Variants in PLCE1 observed in about 807,000 individuals in gnomAD.
The protein encoded by PLCE1 is phospholipase C epsilon 1, also known as 1-phosphatidylinositol 4,5-bisphosphate phosphodiesterase epsilon-1.
PLCE1 carries 119 observed loss-of-function variants against 242.8 expected under a neutral mutation model. That is an observed-to-expected ratio of 0.49 (90% CI 0.42 to 0.57). The LOEUF (loss-of-function observed/expected upper bound fraction) is 0.57. Among genes scored for constraint, PLCE1 ranks in the 20% least tolerant of loss-of-function variants. PLCE1 has a pLI of 0.00. For synonymous variants in PLCE1, 945 were observed against 1,017.4 expected, an observed-to-expected ratio of 0.93 and a Z score of 1.35; for missense variants, 2,441 against 2,788.8, an observed-to-expected ratio of 0.88 and a Z score of 2.81.
intron 2 of PLCE1, among the ~76,000 whole-genome samples, chr10:94,093,054 A>T (rs1369482327): frequency 1.3e-5 from 2 of 152,230 alleles, no homozygotes; most frequent in East Asian, 3.8e-4. Context: ...TGGATAAATC[A>T]CAGGGACAGG....
chr10:94,127,889 C>T (rs1280335954), intron 2 of PLCE1, among the ~76,000 whole-genome samples: 1 of 152,102 alleles, frequency 6.6e-6, no homozygotes, highest in Non-Finnish European at 1.5e-5. Context: ...CTTGTAATGA[C>T]CGTTCTCTAC....
At chr10:94,254,169 T>C (rs181919936) in intron 9 of PLCE1, 21 bp from the exon 10 acceptor site, 3 of 1,544,872 alleles carry the variant, frequency 1.9e-6, no homozygotes, top group East Asian at 4.5e-5. Flanking sequence ...CTTGGAACCA[T>C]CGTGAGCTTT....
intron 2 of PLCE1, among the ~76,000 whole-genome samples, chr10:94,062,582 G>GTTTTTTTTTTT (rs5787099): frequency 1.4e-5 from 2 of 142,346 alleles, no homozygotes; most frequent in Non-Finnish European, 1.5e-5. Context: ...TCTTGGTTTT[G>GTTTTTTTTTTT]TTTTTTTTTT....
At chr10:94,151,360 G>A (rs2047268960) in intron 3 of PLCE1, among the ~76,000 whole-genome samples, 2 of 152,086 alleles carry the variant, frequency 1.3e-5, no homozygotes, top group African/African-American at 4.8e-5. Flanking sequence ...ATACATGAAG[G>A]GAACAATTCT....
Position 94,273,681 on chromosome 10 carries a change from A to G in PLCE1, c.4626A>G (p.Leu1542=). The change falls in exon 19 of 33, where the codon CTA becomes CTG. Residue 1542 remains leucine, a synonymous_variant. Transcript: ENST00000371380. ...AAGTTCTTCTTAAAAACAAGAAGCT[A>G]AAAGCCCATCAGACGCCAGTGGATA... The part of the protein sequence containing the change: ...RKKVLLKNKK[L]KAHQTPVDIL... The G allele has an allele frequency of 6.2e-7, 1 of 1,613,990 alleles. No homozygotes were observed. The highest frequency in any genetic ancestry group is 2.2e-5 in the East Asian group (1 of 44,836).
intron 2 of PLCE1, among the ~76,000 whole-genome samples, chr10:94,048,365 G>T (rs938756001): frequency 3.3e-5 from 5 of 151,994 alleles, no homozygotes; most frequent in African/African-American, 1.2e-4. Context: ...GTTTTCTAAA[G>T]TGGTTGCATC....
chr10:94,325,759 T>C (rs190827686), intron 32 of PLCE1: 138 of 152,320 alleles, frequency 9.1e-4, no homozygotes, highest in African/African-American at 3.3e-3. Flanking sequence ...CTGTCTTCAG[T>C]ATTAATAGCT....
intron 20 of PLCE1, 79 bp from the exon 21 acceptor site, chr10:94,283,711 G>A: frequency 7.0e-7 from 1 of 1,425,682 alleles, no homozygotes. Flanking sequence ...GTATCTGGAT[G>A]TCCTCACAGT....
chr10:94,198,148 A>G (rs2048883415), intron 4 of PLCE1, among the ~76,000 whole-genome samples: 1 of 151,954 alleles, frequency 6.6e-6, no homozygotes, highest in Non-Finnish European at 1.5e-5. Context: ...ATGAATGTAT[A>G]TGCTAGGTGG....
chr10:94,043,245 G>A (rs903506725), intron 2 of PLCE1, among the ~76,000 whole-genome samples: 1 of 152,072 alleles, frequency 6.6e-6, no homozygotes, highest in African/African-American at 2.4e-5. Context: ...CAAAACCAGA[G>A]GCACCCTGTT....
intron 2 of PLCE1, 75 bp from the exon 3 acceptor site, chr10:94,132,099 G>T: frequency 7.0e-7 from 1 of 1,421,146 alleles, no homozygotes; most frequent in Non-Finnish European, 9.9e-7. Flanking sequence ...AAGTCATCTT[G>T]GCATTTTGTC....
intron 28 of PLCE1, 32 bp downstream of exon 28, chr10:94,313,414 C>T (rs1233642760): frequency 3.1e-6 from 5 of 1,613,544 alleles, no homozygotes; most frequent in Non-Finnish European, 4.2e-6. Flanking sequence ...TGGGAGAATC[C>T]AAAATCTAAG....
rs973592007 is a variant in PLCE1 at position 94,245,926 on chromosome 10, T to C, written c.2421-20T>C. 1 of 1,604,290 alleles carries C rather than the reference T, an allele frequency of 6.2e-7. No homozygotes were observed. Reference sequence around the variant, plus strand: ...TCACTTGATTATAAGACAAACCAAATTGGTGTTTCTTTCCTTAAGGTTTAT... The same window carrying C: ...TCACTTGATTATAAGACAAACCAAACTGGTGTTTCTTTCCTTAAGGTTTAT... On this transcript the variant is annotated intron_variant, in intron 7 of 32. Coordinates refer to ENST00000371380, the MANE Select transcript of PLCE1 (RefSeq NM_016341.4).
Position 94,209,416 on chromosome 10 carries a change from G to T in PLCE1, c.1810-17890G>T, listed in dbSNP as rs75660576. 3.6e-3 allele frequency among the ~76,000 whole-genome samples: 544 copies of T among 152,258 alleles called. 6 individuals are homozygous for T. Among genetic ancestry groups the T allele is most frequent in the African/African-American group, 0.013 (520 of 41,558 alleles). The stretch of plus-strand genomic sequence containing the variant: ...AATAAATCTTTTAGTCCATTTTAAA[G>T]GCAAATAGTTTTCAGATATTCTTTG... On this transcript the variant is annotated intron_variant, in intron 4 of 32. Transcript: ENST00000371380.
intron 2 of PLCE1, among the ~76,000 whole-genome samples, chr10:94,046,483 C>A (rs962059515): frequency 1.3e-5 from 2 of 152,156 alleles, no homozygotes; most frequent in Non-Finnish European, 2.9e-5. Flanking sequence ...TCAGGTCCAA[C>A]CCTTCATTTT....
intron 2 of PLCE1, among the ~76,000 whole-genome samples, chr10:94,060,428 G>A (rs2044016093): frequency 6.6e-6 from 1 of 152,158 alleles, no homozygotes; most frequent in East Asian, 1.9e-4. Flanking sequence ...AAAGAATAAA[G>A]GTATGAAAAA....
chr10:94,216,457 C>T (rs1368194653), intron 4 of PLCE1, among the ~76,000 whole-genome samples: 1 of 152,138 alleles, frequency 6.6e-6, no homozygotes, highest in Non-Finnish European at 1.5e-5. Context: ...ATTTGCTGAA[C>T]AAGTATATAT....
chr10:94,182,157 A>C (rs566329084), intron 4 of PLCE1, among the ~76,000 whole-genome samples: 1 of 150,198 alleles, frequency 6.7e-6, no homozygotes, highest in African/African-American at 2.5e-5. Flanking sequence ...TTGAAACAGG[A>C]GGAAAATGGT....
At chr10:94,169,496 A>G (rs1349671753) in intron 3 of PLCE1, among the ~76,000 whole-genome samples, 1 of 152,206 alleles carries the variant, frequency 6.6e-6, no homozygotes, top group African/African-American at 2.4e-5. Context: ...AACACATGCC[A>G]TTCTCAGGGA....
Sources: gnomAD v4.1 joint callset for allele counts (sites outside exome capture counted in the v4.1 genomes callset) on GRCh38, gnomAD v4.1.1 for gene constraint, MANE v1.5 for transcripts, NCBI Gene and HGNC (gene_info 2026-07-23, HGNC 2026-07-21) for gene names.